C12orf42: variants seen among roughly 807,000 people sequenced by gnomAD.
The protein encoded by C12orf42 is uncharacterized protein C12orf42.
A neutral mutation model predicts 21.6 loss-of-function variants in C12orf42; 25 were observed. That is an observed-to-expected ratio of 1.16 (90% CI 0.84 to 1.62). The LOEUF is 1.62. C12orf42 is among the 40% of genes most tolerant of loss of function. The pLI is 0.00. For missense variants in C12orf42, 483 were observed against 459.3 expected (o/e 1.05, Z -0.47); for synonymous variants, 174 against 175.0 (o/e 0.99, Z 0.05).
chr12:103,257,613 A>G (rs896205244), intron 10 of C12orf42, among the ~76,000 whole-genome samples: 2 of 108,128 alleles, frequency 1.8e-5, no homozygotes, highest in Non-Finnish European at 3.3e-5. Context: ...AAACTAGGAT[A>G]CAGTGTGGAA....
chr12:103,427,458 G>C (rs987269351), intron 2 of C12orf42, among the ~76,000 whole-genome samples: 2 of 151,752 alleles, frequency 1.3e-5, no homozygotes, highest in Non-Finnish European at 2.9e-5. Context: ...ACCCAGTACA[G>C]AGGCACCCAG....
At chr12:103,123,291 T>A in the C12orf42 span, among the ~76,000 whole-genome samples, 1 of 151,942 alleles carries the variant, frequency 6.6e-6, no homozygotes, top group African/African-American at 2.4e-5. Context: ...AGGTAGGGAG[T>A]GCTGAAGGCT....
At chr12:103,255,814 G>C (rs897820048) in intron 10 of C12orf42, among the ~76,000 whole-genome samples, 1 of 151,178 alleles carries the variant, frequency 6.6e-6, no homozygotes, top group African/African-American at 2.4e-5. Flanking sequence ...CACTTTGGGA[G>C]GCCGAGGCGG....
At chr12:103,435,928 C>A (rs1206723555) in intron 2 of C12orf42, among the ~76,000 whole-genome samples, 8 of 148,892 alleles carry the variant, frequency 5.4e-5, no homozygotes, top group Non-Finnish European at 1.1e-4. Flanking sequence ...TCGAGAAGAG[C>A]AACTCCAAGA....
chr12:103,115,540 G>C, the C12orf42 span, among the ~76,000 whole-genome samples: 1 of 152,212 alleles, frequency 6.6e-6, no homozygotes, highest in Non-Finnish European at 1.5e-5. Flanking sequence ...TCCATGGCTA[G>C]TTTTGGCCTT....
chr12:103,435,646 T>C (rs1257032076), intron 2 of C12orf42, among the ~76,000 whole-genome samples: 1 of 151,652 alleles, frequency 6.6e-6, no homozygotes, highest in East Asian at 1.9e-4. Flanking sequence ...GAAGAAAGGG[T>C]ATCAGCAATG....
the C12orf42 span, among the ~76,000 whole-genome samples, chr12:103,182,009 C>T: frequency 0.33 from 49,493 of 152,030 alleles, 8,964 homozygotes; most frequent in South Asian, 0.42. Flanking sequence ...ATTAGAATGA[C>T]CACTCTTCTG....
chr12:103,176,088 C>G, the C12orf42 span, among the ~76,000 whole-genome samples: 1 of 152,042 alleles, frequency 6.6e-6, no homozygotes, highest in Non-Finnish European at 1.5e-5. Context: ...TCCCGCCATG[C>G]CATATCCCAC....
At chr12:103,352,319 G>C (rs2043169981) in intron 4 of C12orf42, among the ~76,000 whole-genome samples, 1 of 152,142 alleles carries the variant, frequency 6.6e-6, no homozygotes, top group African/African-American at 2.4e-5. Flanking sequence ...GGATGGTGCT[G>C]TGCAGGATAG....
At chr12:103,111,852 A>T in the C12orf42 span, among the ~76,000 whole-genome samples, 1 of 152,242 alleles carries the variant, frequency 6.6e-6, no homozygotes, top group Non-Finnish European at 1.5e-5. Flanking sequence ...AGGAACATGA[A>T]GAATCAGTAT....
At chr12:103,126,011 G>A in the C12orf42 span, among the ~76,000 whole-genome samples, 9 of 152,246 alleles carry the variant, frequency 5.9e-5, no homozygotes, top group South Asian at 2.1e-4. Context: ...TGGAAATGGC[G>A]CTCTCCCTCC....
chr12:103,200,253 C>A, the C12orf42 span, among the ~76,000 whole-genome samples: 1 of 152,050 alleles, frequency 6.6e-6, no homozygotes, highest in Non-Finnish European at 1.5e-5. Flanking sequence ...CTACATGACA[C>A]CCCTTATATG....
the C12orf42 span, among the ~76,000 whole-genome samples, chr12:103,087,804 C>T: frequency 6.6e-6 from 1 of 152,160 alleles, no homozygotes; most frequent in Non-Finnish European, 1.5e-5. Flanking sequence ...AATATTAGTG[C>T]ACCATTTTAT....
At chr12:103,163,352 C>A in the C12orf42 span, among the ~76,000 whole-genome samples, 89 of 152,216 alleles carry the variant, frequency 5.8e-4, no homozygotes, top group African/African-American at 1.9e-3. Flanking sequence ...AATCAGGTAG[C>A]CAACTATTTA....
chr12:103,473,533 T>C (rs1196491247), intron 2 of C12orf42, among the ~76,000 whole-genome samples: 2 of 152,240 alleles, frequency 1.3e-5, no homozygotes, highest in Non-Finnish European at 2.9e-5. Context: ...ACAGTGAATG[T>C]GACAGGTGCA....
rs191256241 is a variant in C12orf42, at chr12:103,373,468, A to G, written c.148-4470T>C. 8.8e-4 allele frequency among the ~76,000 whole-genome samples: 134 copies of G among 152,318 alleles called. 2 individuals carry two copies. The East Asian group carries it at 0.017, about 19-fold the overall frequency. ...GTACTTTTCAATTGTTTGCCTGCCA[A>G]GAACACTGTGGTTTTCTTGCTTGGT... On this transcript the variant is annotated intron_variant, in intron 3 of 5. Coordinates refer to ENST00000548883, the MANE Select transcript of C12orf42 (RefSeq NM_198521.5).
chr12:103,521,167 T>C, the C12orf42 span, among the ~76,000 whole-genome samples: 3,812 of 152,314 alleles, frequency 0.025, 121 homozygotes, highest in East Asian at 0.17. Context: ...TAGTCTGAGA[T>C]GGCTCCAGCA....
In C12orf42 at chr12:103,449,128, T is replaced by TAGACAGAC. The variant is rs374259578; in HGVS notation, c.78+29213_78+29220dup. 2.7e-3 allele frequency among the ~76,000 whole-genome samples: 401 copies of TAGACAGAC among 148,722 alleles called. 5 individuals carry two copies. Among genetic ancestry groups the TAGACAGAC allele is most frequent in the African/African-American group, 9.3e-3 (375 of 40,256 alleles). ...ATAGATAGATAGATAGATAGATAGA[T>TAGACAGAC]AGACAGACACCATGGAATACTACGC... On this transcript the variant is annotated intron_variant, in intron 2 of 5. Transcript: ENST00000548883.
intron 10 of C12orf42, among the ~76,000 whole-genome samples, chr12:103,252,120 C>T (rs1044967139): frequency 2.0e-5 from 3 of 151,718 alleles, no homozygotes; most frequent in Non-Finnish European, 4.4e-5. Context: ...TCTCTCCCCC[C>T]AAAAATTCTT....
Sources: gnomAD v4.1 joint callset for allele counts (sites outside exome capture counted in the v4.1 genomes callset) on GRCh38, gnomAD v4.1.1 for gene constraint, MANE v1.5 for transcripts, NCBI Gene and HGNC (gene_info 2026-07-23, HGNC 2026-07-21) for gene names.